Variants in ADGRV1 observed in about 807,000 individuals in gnomAD.
ADGRV1 encodes the protein adhesion G protein-coupled receptor V1, also known as G-protein coupled receptor 98.
ADGRV1 carries 359 observed loss-of-function variants against 596.2 expected under a neutral mutation model. The observed-to-expected ratio is 0.60, with a 90% CI of 0.55 to 0.66. ADGRV1 has a LOEUF of 0.66. ADGRV1 is among the 30% of genes least tolerant of loss of function. The probability of loss-of-function intolerance (pLI) is 0.00; values close to 1 mark genes in which losing one functional copy is unlikely to be tolerated. For synonymous variants in ADGRV1, 2,681 were observed against 2,679.2 expected, an observed-to-expected ratio of 1.00 and a Z score of -0.02; for missense variants, 7,274 against 7,575.6, an observed-to-expected ratio of 0.96 and a Z score of 1.48.
intron 21 of ADGRV1, among the ~76,000 whole-genome samples, chr5:90,667,320 T>G (rs1771611485): frequency 1.4e-5 from 2 of 141,490 alleles, no homozygotes; most frequent in Admixed American, 1.5e-4. Flanking sequence ...CTTTTTATTC[T>G]TTTTTCTCTA....
At chr5:90,837,203 A>G (rs1765042235) in intron 77 of ADGRV1, among the ~76,000 whole-genome samples, 1 of 152,156 alleles carries the variant, frequency 6.6e-6, no homozygotes, top group African/African-American at 2.4e-5. Flanking sequence ...GTTATCTTTC[A>G]GTTAAATAGA....
intron 85 of ADGRV1, among the ~76,000 whole-genome samples, chr5:91,054,096 T>TGA (rs1456077883): frequency 2.0e-4 from 25 of 122,102 alleles, no homozygotes; most frequent in South Asian, 1.4e-3. Flanking sequence ...TGTGTGTGTG[T>TGA]GTGTGTGAGA....
chr5:90,927,996 G>C (rs1774702740), intron 83 of ADGRV1, among the ~76,000 whole-genome samples: 1 of 152,168 alleles, frequency 6.6e-6, no homozygotes, highest in Admixed American at 6.5e-5. Context: ...TCTGCCAGGA[G>C]ATCTGCTGTT....
At chr5:90,996,139 A>T (rs1433240114) in intron 85 of ADGRV1, among the ~76,000 whole-genome samples, 2 of 151,632 alleles carry the variant, frequency 1.3e-5, no homozygotes, top group Non-Finnish European at 2.9e-5. Flanking sequence ...AGTAAAGAGG[A>T]GCTGAGTCTT....
At chr5:91,153,594 T>G (rs2126916906) in intron 89 of ADGRV1, among the ~76,000 whole-genome samples, 196 bp downstream of exon 89, 1 of 152,276 alleles carries the variant, frequency 6.6e-6, no homozygotes. Flanking sequence ...TAAAAATAAT[T>G]TATAACTTGT....
At chr5:90,726,597 T>C (rs1751815106) in intron 48 of ADGRV1, among the ~76,000 whole-genome samples, 1 of 152,024 alleles carries the variant, frequency 6.6e-6, no homozygotes, top group Admixed American at 6.6e-5. Flanking sequence ...ATATAAATCT[T>C]ACCTTGCTTT....
At chr5:90,852,297 C>T (rs1356231115) in intron 79 of ADGRV1, among the ~76,000 whole-genome samples, 3 of 152,200 alleles carry the variant, frequency 2.0e-5, no homozygotes, top group Admixed American at 1.3e-4. Context: ...AAATTCTCTG[C>T]TCCATTTCCT....
At chr5:91,150,405 C>A (rs1410973041) in intron 88 of ADGRV1, among the ~76,000 whole-genome samples, 184 bp downstream of exon 88, 2 of 152,166 alleles carry the variant, frequency 1.3e-5, no homozygotes, top group African/African-American at 4.8e-5. Flanking sequence ...CAACTTCTGA[C>A]CTATGGTACT....
At chr5:90,771,572 A>G (rs930663667) in intron 59 of ADGRV1, among the ~76,000 whole-genome samples, 1 of 152,320 alleles carries the variant, frequency 6.6e-6, no homozygotes, top group African/African-American at 2.4e-5. Flanking sequence ...TCTACATCAT[A>G]GGATAAAAAT....
At chr5:90,575,849 G>A (rs1482648423) in intron 1 of ADGRV1, among the ~76,000 whole-genome samples, 1 of 152,112 alleles carries the variant, frequency 6.6e-6, no homozygotes, top group Admixed American at 6.5e-5. Flanking sequence ...CCATTCTCCA[G>A]GGTCGCAGTG....
intron 83 of ADGRV1, among the ~76,000 whole-genome samples, chr5:90,904,228 T>G (rs547837324): frequency 1.3e-5 from 2 of 152,274 alleles, no homozygotes; most frequent in Admixed American, 6.5e-5. Context: ...ACCATGGGAA[T>G]GCAGATATCT....
chr5:91,053,733 G>A (rs1786559331), intron 85 of ADGRV1, among the ~76,000 whole-genome samples: 1 of 152,014 alleles, frequency 6.6e-6, no homozygotes, highest in Non-Finnish European at 1.5e-5. Context: ...TCCTTTCCTT[G>A]CGCTCCAGCC....
intron 53 of ADGRV1, among the ~76,000 whole-genome samples, chr5:90,752,417 C>T (rs1340192192): frequency 6.6e-6 from 1 of 152,082 alleles, no homozygotes; most frequent in Non-Finnish European, 1.5e-5. Context: ...GCCTAGTACC[C>T]ATCAGTTATT....
intron 50 of ADGRV1, among the ~76,000 whole-genome samples, chr5:90,743,697 T>A (rs980211450): frequency 6.6e-6 from 1 of 152,000 alleles, no homozygotes; most frequent in Admixed American, 6.5e-5. Flanking sequence ...GGTCTCGATC[T>A]CCCGACCTCG....
chr5:90,813,912 T>C (rs970565223), intron 74 of ADGRV1, among the ~76,000 whole-genome samples: 1 of 152,218 alleles, frequency 6.6e-6, no homozygotes, highest in Non-Finnish European at 1.5e-5. Flanking sequence ...ACATTACAAG[T>C]CTGGAATCAT....
intron 76 of ADGRV1, 118 bp downstream of exon 76, chr5:90,823,714 C>G: frequency 5.7e-6 from 5 of 874,942 alleles, no homozygotes; most frequent in Non-Finnish European, 6.9e-6. Context: ...TTGTGTTTTT[C>G]TTAGCCATAA....
rs577477562 is a variant in ADGRV1, at chr5:90,574,800, C to T, written c.22+15883C>T. ...GGTCTGTTCAGGGTTTCAAGCTCTT[C>T]CTGATTCAGTCTTGGGAGATTTTGT... On this transcript the variant is annotated intron_variant, in intron 1 of 89. Transcript: ENST00000405460. Among the ~76,000 whole-genome samples the T allele has an allele frequency of 7.2e-5, 11 of 152,242 alleles. No homozygotes were observed. In the South Asian group the frequency reaches 2.3e-3, roughly 32 times the overall value.
intron 83 of ADGRV1, among the ~76,000 whole-genome samples, chr5:90,869,386 C>A (rs1255943648): frequency 4.6e-5 from 7 of 151,914 alleles, no homozygotes; most frequent in Non-Finnish European, 1.0e-4. Context: ...TGTCTGAGAA[C>A]CATGAGGAGT....
At chr5:90,877,611 C>G (rs1433060268) in intron 83 of ADGRV1, among the ~76,000 whole-genome samples, 1 of 149,012 alleles carries the variant, frequency 6.7e-6, no homozygotes, top group Non-Finnish European at 1.5e-5. Flanking sequence ...TTTAATGTCT[C>G]TTACAAATTT....
Sources: allele counts gnomAD v4.1 joint callset (sites outside exome capture counted in the v4.1 genomes callset), GRCh38; gene constraint gnomAD v4.1.1; transcripts MANE v1.5; gene names NCBI Gene and HGNC (gene_info 2026-07-23, HGNC 2026-07-21).